The following KCNIP1 variants were observed in gnomAD, a reference collection of about 807,000 sequenced individuals.
KCNIP1 encodes potassium voltage-gated channel interacting protein 1.
In KCNIP1, 18 loss-of-function variants were observed where a neutral mutation model predicts 33.0. The observed-to-expected ratio is 0.55, with a 90% CI of 0.38 to 0.81. KCNIP1 has a LOEUF of 0.81. Among genes scored for constraint, KCNIP1 ranks in the 30% least tolerant of loss-of-function variants. KCNIP1 has a pLI of 0.00. For missense variants in KCNIP1, 238 were observed against 271.6 expected (o/e 0.88, Z 0.87); for synonymous variants, 93 against 98.3 (o/e 0.95, Z 0.32).
chr5:170,499,838 A>G (rs962369628), upstream of KCNIP1, among the ~76,000 whole-genome samples: 2 of 152,164 alleles, frequency 1.3e-5, no homozygotes, highest in Admixed American at 6.5e-5. Flanking sequence ...AGGTCTGACA[A>G]TCTCACTCCT....
chr5:170,559,230 T>C (rs1232613739), intron 1 of KCNIP1, among the ~76,000 whole-genome samples: 1 of 152,248 alleles, frequency 6.6e-6, no homozygotes. Context: ...AATGCATTTT[T>C]TCAAAAATTC....
chr5:170,639,772 C>T (rs942490291), intron 1 of KCNIP1, among the ~76,000 whole-genome samples: 1 of 152,218 alleles, frequency 6.6e-6, no homozygotes. Flanking sequence ...GCACTGCTCA[C>T]AGGTCAGATT....
chr5:170,603,633 C>G (rs561867883), intron 1 of KCNIP1, among the ~76,000 whole-genome samples: 1 of 152,070 alleles, frequency 6.6e-6, no homozygotes, highest in African/African-American at 2.4e-5. Flanking sequence ...AGGGTAGGGA[C>G]GCAGTGGTGA....
At chr5:170,367,421 G>GAAAGAAAGAAAGAAAGGAAAGAAAGGAAA (rs1554086776) in intron 1 of KCNIP1, among the ~76,000 whole-genome samples, 1 of 74,664 alleles carries the variant, frequency 1.3e-5, no homozygotes, top group African/African-American at 5.2e-5. Flanking sequence ...AAGAAAGAAA[G>GAAAGAAAGAAAGAAAGGAAAGAAAGGAAA]GAAAGAAAGA....
At chr5:170,712,891 AAAACAGTTT>A (rs748553441) in intron 1 of KCNIP1, 1 of 1,612,812 alleles carries the variant, frequency 6.2e-7, no homozygotes, top group Admixed American at 1.7e-5. Context: ...AGAGAGGTAA[AAAACAGTTT>A]AAACTAACCT....
intron 1 of KCNIP1, among the ~76,000 whole-genome samples, chr5:170,597,824 T>TGAAA: frequency 1.5e-5 from 1 of 67,698 alleles, no homozygotes; most frequent in Admixed American, 1.6e-4. Context: ...TATATATATA[T>TGAAA]ATATATGAAA....
intron 1 of KCNIP1, among the ~76,000 whole-genome samples, chr5:170,530,594 G>A (rs1755753003): frequency 6.6e-6 from 1 of 152,174 alleles, no homozygotes; most frequent in African/African-American, 2.4e-5. Flanking sequence ...TTCAGTTTAT[G>A]GCTTCCCAAG....
intron 1 of KCNIP1, chr5:170,378,820 G>A: frequency 6.2e-7 from 1 of 1,614,240 alleles, no homozygotes. Flanking sequence ...AGGGCCTGGG[G>A]CCCGTAGAGG....
Position 170,681,425 on chromosome 5 carries a change from G to A in KCNIP1, c.62-37333G>A, listed in dbSNP as rs115190814. ...CCAGGAAGTTAGGGTCTCCTGCTCC[G>A]GCCCTATGAGCATGTGAGTCTTGAT... is the stretch of plus-strand genomic sequence containing the variant. On this transcript the variant is annotated intron_variant, in intron 1 of 7. Coordinates refer to ENST00000328939, the MANE Select transcript of KCNIP1 (RefSeq NM_014592.4). 237 of 313,960 alleles carry A rather than the reference G, an allele frequency of 7.5e-4. 2 individuals are homozygous for A. The highest frequency in any genetic ancestry group is 4.6e-3 in the African/African-American group (214 of 46,896). 19.4% of individuals were successfully genotyped at this position (313,960 alleles called of 1,614,324 possible). A position where few individuals can be genotyped will look rare whatever the true frequency, so the allele number is the denominator to read the frequency against.
intron 1 of KCNIP1, among the ~76,000 whole-genome samples, chr5:170,634,869 C>T (rs926525731): frequency 1.3e-5 from 2 of 152,220 alleles, no homozygotes; most frequent in Non-Finnish European, 2.9e-5. Flanking sequence ...ATTGCAGCTC[C>T]AGGCTGGCAA....
intron 1 of KCNIP1, among the ~76,000 whole-genome samples, chr5:170,476,205 A>G (rs1479584051): frequency 1.3e-5 from 2 of 152,198 alleles, no homozygotes; most frequent in Admixed American, 1.3e-4. Flanking sequence ...TTCTGAGCTC[A>G]AGCAATCCAT....
chr5:170,645,578 C>T (rs896148239), intron 1 of KCNIP1, among the ~76,000 whole-genome samples: 1 of 152,190 alleles, frequency 6.6e-6, no homozygotes, highest in Admixed American at 6.5e-5. Context: ...GGCAGAAAGT[C>T]AGTCAAGGCA....
At chr5:170,463,336 G>C (rs1857767) in intron 1 of KCNIP1, among the ~76,000 whole-genome samples, 29,705 of 151,962 alleles carry the variant, frequency 0.2, 2,992 homozygotes, top group Middle Eastern at 0.23. Flanking sequence ...TGTGAGGCCA[G>C]TATTATCCCA....
At chr5:170,545,024 T>G (rs1756360650) in intron 1 of KCNIP1, among the ~76,000 whole-genome samples, 2 of 152,238 alleles carry the variant, frequency 1.3e-5, no homozygotes, top group South Asian at 4.1e-4. Context: ...TCCTTCAGCC[T>G]GAAGATTCTT....
intron 1 of KCNIP1, among the ~76,000 whole-genome samples, chr5:170,519,001 C>T (rs1755256383): frequency 6.6e-6 from 1 of 152,132 alleles, no homozygotes; most frequent in Non-Finnish European, 1.5e-5. Flanking sequence ...CTCCACAGCC[C>T]ACCCACCCTC....
chr5:170,401,747 G>C (rs1026461951), intron 1 of KCNIP1, among the ~76,000 whole-genome samples: 3 of 150,184 alleles, frequency 2.0e-5, no homozygotes, highest in Non-Finnish European at 4.4e-5. Context: ...GAGTGACGTT[G>C]AGACTCTGTC....
chr5:170,538,183 T>C (rs1012561366), intron 1 of KCNIP1, among the ~76,000 whole-genome samples: 1 of 152,146 alleles, frequency 6.6e-6, no homozygotes, highest in South Asian at 2.1e-4. Context: ...CTCTCCAGTA[T>C]AGGCAGGAGG....
intron 1 of KCNIP1, among the ~76,000 whole-genome samples, chr5:170,447,645 G>A (rs941164257): frequency 1.3e-5 from 2 of 152,076 alleles, no homozygotes; most frequent in African/African-American, 4.8e-5. Context: ...AGACGGGGGT[G>A]TCTTCACAGG....
At chr5:170,469,884 C>T (rs1228204866) in intron 1 of KCNIP1, among the ~76,000 whole-genome samples, 4 of 152,200 alleles carry the variant, frequency 2.6e-5, no homozygotes, top group Non-Finnish European at 5.9e-5. Context: ...GAATGTCCTT[C>T]ACTCAATCCT....
Sources: allele counts gnomAD v4.1 joint callset (sites outside exome capture counted in the v4.1 genomes callset), GRCh38; gene constraint gnomAD v4.1.1; transcripts MANE v1.5; gene names NCBI Gene and HGNC (gene_info 2026-07-23, HGNC 2026-07-21).